The following NCKAP5 variants were observed in gnomAD, a reference collection of about 807,000 sequenced individuals.
The protein encoded by NCKAP5 is NCK associated protein 5.
NCKAP5 carries 92 observed loss-of-function variants against 167.0 expected under a neutral mutation model. That is an observed-to-expected ratio of 0.55 (90% CI 0.47 to 0.66). The LOEUF (loss-of-function observed/expected upper bound fraction) is 0.66, where lower values mean the gene tolerates loss of function less well. Ranked by LOEUF, NCKAP5 falls within the 30% of genes least tolerant of loss-of-function variation. The pLI is 0.00. For missense variants in NCKAP5, 2,378 were observed against 2,315.0 expected (o/e 1.03, Z -0.56); for synonymous variants, 891 against 877.4 (o/e 1.02, Z -0.27).
At chr2:133,582,534 C>A in the NCKAP5 span, among the ~76,000 whole-genome samples, 2 of 152,176 alleles carry the variant, frequency 1.3e-5, 1 homozygote, top group South Asian at 4.1e-4. Context: ...TACAATTTTA[C>A]CCCCTCACAC....
the NCKAP5 span, among the ~76,000 whole-genome samples, chr2:133,579,617 T>C: frequency 1.3e-5 from 2 of 152,146 alleles, no homozygotes; most frequent in African/African-American, 4.8e-5. Flanking sequence ...AGGATTTAGA[T>C]GCAGGAATGC....
intron 11 of NCKAP5, among the ~76,000 whole-genome samples, chr2:132,839,619 G>A (rs1205319231): frequency 4.6e-5 from 7 of 151,794 alleles, no homozygotes; most frequent in Non-Finnish European, 1.5e-5. Flanking sequence ...AAATCAGCTG[G>A]GCATGTTGGC....
At chr2:133,469,902 A>G (rs1692919453) in intron 3 of NCKAP5, among the ~76,000 whole-genome samples, 1 of 148,766 alleles carries the variant, frequency 6.7e-6, no homozygotes, top group Non-Finnish European at 1.5e-5. Context: ...TATTCTAGTC[A>G]TACATTCTTC....
chr2:133,161,062 G>A (rs1027715220), intron 5 of NCKAP5, among the ~76,000 whole-genome samples: 4 of 152,052 alleles, frequency 2.6e-5, no homozygotes, highest in South Asian at 2.1e-4. Flanking sequence ...TCAGGTCAGC[G>A]GCCGCATTAG....
chr2:132,817,468 A>T (rs2105300580), intron 11 of NCKAP5, among the ~76,000 whole-genome samples: 1 of 152,350 alleles, frequency 6.6e-6, no homozygotes, highest in East Asian at 1.9e-4. Context: ...TCCTGGTTTT[A>T]AATCTCATTT....
chr2:133,142,567 G>C (rs1297857524), intron 5 of NCKAP5, among the ~76,000 whole-genome samples: 2 of 152,050 alleles, frequency 1.3e-5, no homozygotes, highest in African/African-American at 2.4e-5. Context: ...TTCAGAAGTG[G>C]TCTCTCCTGG....
At chr2:132,755,587 T>A (rs1278867579) in intron 16 of NCKAP5, among the ~76,000 whole-genome samples, 1 of 152,022 alleles carries the variant, frequency 6.6e-6, no homozygotes, top group Non-Finnish European at 1.5e-5. Context: ...TCCCAGCACT[T>A]TGGAAGGCCA....
At chr2:133,545,945 T>C (rs1376236510) in intron 2 of NCKAP5, among the ~76,000 whole-genome samples, 1 of 152,238 alleles carries the variant, frequency 6.6e-6, no homozygotes, top group Admixed American at 6.5e-5. Context: ...GAAATTATTT[T>C]GGTTTGTTAT....
chr2:132,685,743 C>T (rs546040234), intron 19 of NCKAP5, among the ~76,000 whole-genome samples: 4 of 152,260 alleles, frequency 2.6e-5, no homozygotes, highest in African/African-American at 4.8e-5. Context: ...AGCAAGGTTT[C>T]GCAGAGTAGG....
intron 3 of NCKAP5, among the ~76,000 whole-genome samples, chr2:133,410,793 T>C (rs894061054): frequency 3.9e-5 from 6 of 152,246 alleles, no homozygotes; most frequent in Admixed American, 2.0e-4. Context: ...AAATCATTCT[T>C]AACCATGGCT....
At chr2:133,615,184 A>G in the NCKAP5 span, among the ~76,000 whole-genome samples, 507 of 152,290 alleles carry the variant, frequency 3.3e-3, 2 homozygotes, top group African/African-American at 0.012. Flanking sequence ...GGTACCAGCC[A>G]CTGCAAAATC....
chr2:133,349,176 C>T (rs1372435707), intron 3 of NCKAP5, among the ~76,000 whole-genome samples: 1 of 152,170 alleles, frequency 6.6e-6, no homozygotes, highest in African/African-American at 2.4e-5. Context: ...CCTATATTCC[C>T]CCATTCTGTA....
At position 133,455,764 on chromosome 2, in the gene NCKAP5, T is replaced by C. The variant is rs117521807; in HGVS notation, c.69+61694A>G. 5.4e-4 allele frequency among the ~76,000 whole-genome samples: 83 copies of C among 152,296 alleles called. 2 individuals are homozygous for C. The East Asian group carries it at 0.015, about 28-fold the overall frequency. On this transcript the variant is annotated intron_variant, in intron 3 of 19. Transcript: ENST00000409261. ...ACTTTGAAAAACAAACTTATTTTTT[T>C]ATACAAGAAAACAGAACTTAAACCC...
rs373715165 is a variant in NCKAP5, at chr2:133,418,174, C to T, written c.69+99284G>A. On this transcript the variant is annotated intron_variant, in intron 3 of 19. Coordinates refer to ENST00000409261, the MANE Select transcript of NCKAP5 (RefSeq NM_207363.3). ...TAGCATCAGAAGCTGCTACACAGGA[C>T]TTCTTTGACCTTGCTTTAATGATTT... 8.5e-5 allele frequency among the ~76,000 whole-genome samples: 13 copies of T among 152,308 alleles called. No homozygotes were observed. In the East Asian group the frequency reaches 2.3e-3, roughly 27 times the overall value.
chr2:132,931,389 C>G (rs1239723160), intron 8 of NCKAP5: 3 of 151,858 alleles, frequency 2.0e-5, no homozygotes, highest in Non-Finnish European at 4.4e-5. Context: ...TTTTTTTTTC[C>G]CTTCTACCAT....
the NCKAP5 span, among the ~76,000 whole-genome samples, chr2:133,601,070 G>A: frequency 0.15 from 22,644 of 152,160 alleles, 1,787 homozygotes; most frequent in East Asian, 0.25. Flanking sequence ...CAGTCTTTAC[G>A]GCGCCTTGTC....
intron 6 of NCKAP5, among the ~76,000 whole-genome samples, chr2:133,051,190 T>A (rs889487889): frequency 4.6e-5 from 7 of 152,212 alleles, no homozygotes; most frequent in African/African-American, 1.7e-4. Flanking sequence ...TCCCTCTGTG[T>A]GGTCCTCAGA....
At position 133,255,804 on chromosome 2, in the gene NCKAP5, G is replaced by A. The variant is rs746841669; in HGVS notation, c.144-42025C>T. On this transcript the variant is annotated intron_variant, in intron 4 of 19. Transcript: ENST00000409261. ...GCAATTTATGTAACATTCTGTCATC[G>A]GAAGTAAAATCTAGGATCAGAATGG... is the stretch of plus-strand genomic sequence containing the variant. Among the ~76,000 whole-genome samples the A allele has an allele frequency of 9.9e-5, 15 of 152,206 alleles. No individual in the cohort carries two copies. The East Asian group carries it at 1.5e-3, about 16-fold the overall frequency.
chr2:132,945,985 C>A (rs1342644039), intron 8 of NCKAP5, among the ~76,000 whole-genome samples: 1 of 152,214 alleles, frequency 6.6e-6, no homozygotes, highest in East Asian at 1.9e-4. Context: ...TTGGTAAAGG[C>A]AAGTCCCATT....
Sources: allele counts gnomAD v4.1 joint callset (sites outside exome capture counted in the v4.1 genomes callset), GRCh38; gene constraint gnomAD v4.1.1; transcripts MANE v1.5; gene names NCBI Gene and HGNC (gene_info 2026-07-23, HGNC 2026-07-21).